The following LDLRAD4 variants were observed in gnomAD, a reference collection of about 807,000 sequenced individuals.
LDLRAD4 encodes low-density lipoprotein receptor class A domain-containing protein 4.
Under a neutral mutation model 17.0 loss-of-function variants are expected in LDLRAD4, and 5 were observed. The observed-to-expected ratio is 0.29, with a 90% CI of 0.15 to 0.62. The LOEUF (loss-of-function observed/expected upper bound fraction) is 0.62, where lower values mean the gene tolerates loss of function less well. LDLRAD4 is among the 20% of genes least tolerant of loss of function. LDLRAD4 has a pLI of 0.84. For synonymous variants in LDLRAD4, 168 were observed against 171.8 expected, an observed-to-expected ratio of 0.98 and a Z score of 0.17; for missense variants, 340 against 424.7, an observed-to-expected ratio of 0.80 and a Z score of 1.75.
chr18:13,526,397 AAG>A (rs2094032358), intron 3 of LDLRAD4: 1 of 152,222 alleles, frequency 6.6e-6, no homozygotes. Context: ...AGAAGAGAAA[AAG>A]AGATGTGTCT....
intron 1 of LDLRAD4, among the ~76,000 whole-genome samples, chr18:13,358,612 C>T (rs893442187): frequency 2.6e-5 from 4 of 152,038 alleles, no homozygotes; most frequent in African/African-American, 9.7e-5. Context: ...TCCCATTTAT[C>T]CCTCAAATGG....
intron 1 of LDLRAD4, among the ~76,000 whole-genome samples, chr18:13,343,554 T>A (rs1473839372): frequency 2.0e-5 from 3 of 152,172 alleles, no homozygotes; most frequent in African/African-American, 7.2e-5. Context: ...CGTGTGCGTG[T>A]GTCTTTATAG....
At chr18:13,287,954 G>A (rs755369278) in intron 1 of LDLRAD4, among the ~76,000 whole-genome samples, 3 of 152,212 alleles carry the variant, frequency 2.0e-5, no homozygotes, top group African/African-American at 4.8e-5. Context: ...TAATTTGGGT[G>A]TTTAGGTATT....
chr18:13,364,419 C>T (rs2083908263), intron 1 of LDLRAD4, among the ~76,000 whole-genome samples: 2 of 152,074 alleles, frequency 1.3e-5, no homozygotes, highest in Admixed American at 1.3e-4. Context: ...CTCACTGCAT[C>T]CTCAAACTCC....
chr18:13,229,765 C>T (rs901005312), intron 1 of LDLRAD4, among the ~76,000 whole-genome samples: 5 of 152,164 alleles, frequency 3.3e-5, no homozygotes, highest in African/African-American at 7.2e-5. Context: ...GCACTCAGGA[C>T]GTCCACGCAC....
At chr18:13,608,924 A>G (rs2148689809) in intron 3 of LDLRAD4, among the ~76,000 whole-genome samples, 1 of 152,338 alleles carries the variant, frequency 6.6e-6, no homozygotes, top group Admixed American at 6.5e-5. Flanking sequence ...GTTGCTACCA[A>G]CAACTCTTGT....
chr18:13,316,268 G>A lies in LDLRAD4; in HGVS notation c.-383+38080G>A, dbSNP rs139880439. Among the ~76,000 whole-genome samples the A allele has an allele frequency of 1.1e-4, 17 of 152,304 alleles. No homozygotes were observed. In the East Asian group the frequency reaches 3.1e-3, roughly 28 times the overall value. On this transcript the variant is annotated intron_variant, in intron 1 of 5. Transcript: ENST00000359446. ...CATCTGAGTGAAAGGACAGCTCTAC[G>A]GCTGACAGCTGACTTTTCCACAGAG...
At position 13,645,193 on chromosome 18, in the gene LDLRAD4, A is replaced by C; in HGVS notation, c.457A>C (p.Ser153Arg). The change falls in exon 6 of 6, where the codon AGC (serine) becomes CGC (arginine). Residue 153 changes from serine (S) to arginine (R), a missense_variant. Physicochemically the swap from Ser to Arg is moderately radical, Grantham distance 110. Transcript: ENST00000359446. The surrounding 1 kb of genome is among the most constrained non-coding windows in gnomAD (Gnocchi z 5.7). The stretch of plus-strand genomic sequence containing the variant: ...GTCCTTCATCCAGAGGGATCGCTTC[A>C]GCCGCTTCCAGCCCACCTACCCCTA... The C allele has an allele frequency of 6.2e-7, 1 of 1,614,060 alleles. No individual in the cohort carries two copies. Among genetic ancestry groups the C allele is most frequent in the Non-Finnish European group, 8.5e-7 (1 of 1,179,976 alleles).
chr18:13,503,370 G>C lies in LDLRAD4; in HGVS notation c.181+64986G>C, dbSNP rs545274124. Among the ~76,000 whole-genome samples the C allele has an allele frequency of 1.8e-3, 268 of 152,352 alleles. 1 individual carries two copies. Among genetic ancestry groups the C allele is most frequent in the Non-Finnish European group, 1.3e-3 (91 of 68,036 alleles). ...CCTGCCATTGTTCCCAGCCGGCAGC[G>C]TGGTCCCTGCCACCAGGTGCTTGAA... On this transcript the variant is annotated intron_variant, in intron 3 of 5. Transcript: ENST00000359446.
chr18:13,560,377 C>G (rs1405477567), intron 3 of LDLRAD4, among the ~76,000 whole-genome samples: 2 of 152,194 alleles, frequency 1.3e-5, no homozygotes, highest in Non-Finnish European at 2.9e-5. Flanking sequence ...AATCTCAGAG[C>G]CCAAGGGGAT....
chr18:13,589,393 G>C (rs576055875), intron 3 of LDLRAD4, among the ~76,000 whole-genome samples: 2 of 152,192 alleles, frequency 1.3e-5, no homozygotes, highest in South Asian at 4.1e-4. Context: ...ACCTAGGAAG[G>C]CTTCAGCTGT....
chr18:13,301,569 G>A (rs985372303), intron 1 of LDLRAD4, among the ~76,000 whole-genome samples: 9 of 152,178 alleles, frequency 5.9e-5, no homozygotes, highest in Admixed American at 2.0e-4. Context: ...GAACTTGCAC[G>A]TGCAGAGACG....
chr18:13,481,273 G>A (rs1335656556), intron 3 of LDLRAD4, among the ~76,000 whole-genome samples: 2 of 152,226 alleles, frequency 1.3e-5, no homozygotes, highest in African/African-American at 2.4e-5. Context: ...GACAGGACAC[G>A]TGTCTGGAAG....
chr18:13,344,123 T>C (rs2082540388), intron 1 of LDLRAD4, among the ~76,000 whole-genome samples: 1 of 152,226 alleles, frequency 6.6e-6, no homozygotes, highest in Admixed American at 6.5e-5. Context: ...TTTGATGCCA[T>C]TGCTTTTGGT....
chr18:13,387,400 G>T (rs916229421), exon 2 of LDLRAD4: 1 of 286,694 alleles, frequency 3.5e-6, no homozygotes, highest in African/African-American at 2.3e-5. Context: ...GTGCAGGTGC[G>T]ACCCTGCAGG....
intron 1 of LDLRAD4, among the ~76,000 whole-genome samples, chr18:13,261,858 C>T (rs1410876795): frequency 6.6e-6 from 1 of 152,174 alleles, no homozygotes; most frequent in Non-Finnish European, 1.5e-5. Context: ...AGAGGCAGGA[C>T]TGCGAGTGCC....
chr18:13,386,934 AGATAGATAGATAGATGGATG>A (rs1376553036), intron 1 of LDLRAD4, among the ~76,000 whole-genome samples: 33 of 68,520 alleles, frequency 4.8e-4, no homozygotes, highest in African/African-American at 1.3e-3. Flanking sequence ...ATAGATAGAT[AGATAGATAGATAGATGGATG>A]GATGGATAGA....
intron 4 of LDLRAD4, among the ~76,000 whole-genome samples, chr18:13,625,722 C>T (rs919519343): frequency 7.3e-6 from 1 of 137,116 alleles, no homozygotes; most frequent in African/African-American, 2.8e-5. Context: ...CTCCCCCTGC[C>T]AGCACCCTCC....
intron 4 of LDLRAD4, chr18:13,641,946 C>G: frequency 2.0e-6 from 2 of 985,454 alleles, no homozygotes; most frequent in Non-Finnish European, 2.4e-6. Flanking sequence ...GCTCCCGGAG[C>G]GAGGAGCGCC....
Sources: allele counts gnomAD v4.1 joint callset (sites outside exome capture counted in the v4.1 genomes callset), GRCh38; gene constraint gnomAD v4.1.1; non-coding constraint Gnocchi (gnomAD v3.1); transcripts MANE v1.5; gene names NCBI Gene and HGNC (gene_info 2026-07-23, HGNC 2026-07-21).